The following GPR160 variants were observed in gnomAD, a reference collection of about 807,000 sequenced individuals.
GPR160 encodes the protein G protein-coupled receptor 160.
In GPR160, 2 loss-of-function variants were observed where a neutral mutation model predicts 2.6. The ratio of observed to expected loss-of-function variants is 0.77; its 90% confidence interval spans 0.32 to 2.44. The LOEUF is 2.44. GPR160 is among the 30% of genes most tolerant of loss of function. The pLI is 0.11. For missense variants in GPR160, 351 were observed against 383.6 expected (o/e 0.91, Z 0.71); for synonymous variants, 130 against 132.2 (o/e 0.98, Z 0.12).
intron 2 of GPR160, among the ~76,000 whole-genome samples, chr3:170,060,647 T>C (rs2108326223): frequency 6.6e-6 from 1 of 152,256 alleles, no homozygotes; most frequent in Admixed American, 6.5e-5. Flanking sequence ...TGCACACCTC[T>C]ATAGTCCTAG....
chr3:170,068,995 G>A (rs1712468077), intron 2 of GPR160, among the ~76,000 whole-genome samples: 1 of 152,142 alleles, frequency 6.6e-6, no homozygotes, highest in Non-Finnish European at 1.5e-5. Context: ...TTTATATCTT[G>A]TAATAATAGT....
intron 2 of GPR160, among the ~76,000 whole-genome samples, chr3:170,073,007 C>A (rs1461553862): frequency 6.6e-6 from 1 of 151,966 alleles, no homozygotes; most frequent in Non-Finnish European, 1.5e-5. Flanking sequence ...CGAAACGAGA[C>A]CCCATCTCTA....
intron 2 of GPR160, among the ~76,000 whole-genome samples, chr3:170,065,390 C>T (rs1712272971): frequency 6.6e-6 from 1 of 152,210 alleles, no homozygotes; most frequent in Admixed American, 6.5e-5. Flanking sequence ...ATGTGCCCTA[C>T]TCTAATTTAG....
intron 2 of GPR160, among the ~76,000 whole-genome samples, chr3:170,075,249 A>G (rs1712796689): frequency 6.6e-6 from 1 of 152,244 alleles, no homozygotes. Flanking sequence ...AAACAAAACC[A>G]AAAGAATATC....
intron 2 of GPR160, among the ~76,000 whole-genome samples, chr3:170,041,683 G>A (rs78295928): frequency 4.6e-5 from 7 of 152,184 alleles, no homozygotes; most frequent in Non-Finnish European, 7.3e-5. Flanking sequence ...CCCTTACAGT[G>A]GGGGGAGATA....
intron 2 of GPR160, among the ~76,000 whole-genome samples, chr3:170,048,518 A>G (rs948310145): frequency 1.3e-5 from 2 of 150,832 alleles, no homozygotes; most frequent in East Asian, 3.9e-4. Flanking sequence ...CTTTTAAAAT[A>G]TTAGAGAACT....
intron 3 of GPR160, among the ~76,000 whole-genome samples, chr3:170,082,994 T>G (rs865796563): frequency 2.2e-4 from 33 of 151,836 alleles, no homozygotes; most frequent in Middle Eastern, 3.4e-3. Context: ...TTTTGGTTTT[T>G]GTTTTTGTTT....
At chr3:170,075,154 A>G (rs566587901) in intron 2 of GPR160, among the ~76,000 whole-genome samples, 1 of 152,266 alleles carries the variant, frequency 6.6e-6, no homozygotes, top group East Asian at 1.9e-4. Flanking sequence ...CTTGAGCCCA[A>G]GAGGCGGAGG....
chr3:170,062,786 A>G (rs1322888305), intron 2 of GPR160: 3 of 727,146 alleles, frequency 4.1e-6, no homozygotes, highest in Admixed American at 2.2e-5. Flanking sequence ...CGGAGCTGCA[A>G]TTTGAAGAAA....
At chr3:170,065,552 C>T (rs185787020) in intron 2 of GPR160, among the ~76,000 whole-genome samples, 6 of 152,322 alleles carry the variant, frequency 3.9e-5, no homozygotes, top group Admixed American at 1.3e-4. Context: ...ATTCTGATGA[C>T]GTATGCCTTT....
At chr3:170,083,641 T>A (rs1713252733) in intron 3 of GPR160, 1 of 172,866 alleles carries the variant, frequency 5.8e-6, no homozygotes, top group African/African-American at 2.4e-5. Flanking sequence ...TTAAAACCTG[T>A]ACTTATATAT....
At chr3:170,066,575 A>C (rs1403537184) in intron 2 of GPR160, among the ~76,000 whole-genome samples, 1 of 152,204 alleles carries the variant, frequency 6.6e-6, no homozygotes, top group Non-Finnish European at 1.5e-5. Flanking sequence ...AGAGAGCTGC[A>C]TAGTATTGCA....
chr3:170,054,649 A>G (rs911957518), intron 2 of GPR160, among the ~76,000 whole-genome samples: 2 of 152,096 alleles, frequency 1.3e-5, no homozygotes, highest in Non-Finnish European at 2.9e-5. Flanking sequence ...GCTCCTGGCT[A>G]CTGTTTACTT....
chr3:170,046,413 A>G lies in GPR160; in HGVS notation c.-193+7370A>G, dbSNP rs545581103. Among the ~76,000 whole-genome samples, 4 of 152,326 alleles carry G rather than the reference A, an allele frequency of 2.6e-5. No individual in the cohort carries two copies. In the South Asian group the frequency reaches 8.3e-4, roughly 32 times the overall value. ...CCAACCCCTTATGAGAGAGCGGGCT[A>G]GTGTTAGCTGGGACACAGGAGTCCC... is the stretch of plus-strand genomic sequence containing the variant. On this transcript the variant is annotated intron_variant, in intron 2 of 3. Transcript: ENST00000355897.
At chr3:170,062,331 G>A in intron 2 of GPR160, 1 of 256,320 alleles carries the variant, frequency 3.9e-6, no homozygotes, top group Non-Finnish European at 7.6e-6. Flanking sequence ...GGAGCAGAGG[G>A]GTCCAGGGAG....
At position 170,038,652 on chromosome 3, in the gene GPR160, ACGCGCGCG is replaced by A. The variant is rs886583376; in HGVS notation, c.-321-254_-321-247del. On this transcript the variant is annotated intron_variant, in intron 1 of 3. Transcript: ENST00000355897. The surrounding 1 kb of genome is among the most constrained non-coding windows in gnomAD (Gnocchi z 5.3). ...CCCAGAGGTGAATAGTCTCACACAC[ACGCGCGCG>A]CGCGCGCGTGCGTGCATTCATTGGG... 3.3e-5 allele frequency: 5 copies of A among 151,108 alleles called. No individual in the cohort carries two copies. Among genetic ancestry groups the A allele is most frequent in the African/African-American group, 7.3e-5 (3 of 41,132 alleles). The allele number at this position is 151,108 out of a possible 1,614,324, so 9.4% of individuals were successfully genotyped here.
At position 170,085,205 on chromosome 3, in the gene GPR160, G is replaced by T; in HGVS notation, c.*216G>T. The T allele has an allele frequency of 2.9e-6, 1 of 342,908 alleles. No individual in the cohort carries two copies. The highest frequency in any genetic ancestry group is 5.5e-6 in the Non-Finnish European group (1 of 183,262). The allele number at this position is 342,908 out of a possible 1,614,324, so 21.2% of individuals were successfully genotyped here. Reference sequence around the variant, plus strand: ...CCAAGAAGTTTTTATAGTTATTCAGGGACACTATATTACAAATATTACTTT... The same window carrying T: ...CCAAGAAGTTTTTATAGTTATTCAGTGACACTATATTACAAATATTACTTT... On this transcript the variant is annotated 3_prime_UTR_variant, in exon 4 of 4. Coordinates refer to ENST00000355897, the MANE Select transcript of GPR160 (RefSeq NM_014373.3).
chr3:170,039,608 C>T (rs2108304125), intron 2 of GPR160, among the ~76,000 whole-genome samples: 1 of 152,268 alleles, frequency 6.6e-6, no homozygotes, highest in East Asian at 1.9e-4. Flanking sequence ...CTCGGGAAGG[C>T]TGAGGTAGGA....
At chr3:170,045,976 AC>A (rs1484915093) in intron 2 of GPR160, among the ~76,000 whole-genome samples, 2 of 152,202 alleles carry the variant, frequency 1.3e-5, no homozygotes, top group Admixed American at 6.5e-5. Flanking sequence ...ATTCAGTGGC[AC>A]GTCAAGTGCT....
Sources: gnomAD v4.1 joint callset for allele counts (sites outside exome capture counted in the v4.1 genomes callset) on GRCh38, gnomAD v4.1.1 for gene constraint, Gnocchi (gnomAD v3.1) non-coding constraint, MANE v1.5 for transcripts, NCBI Gene and HGNC (gene_info 2026-07-23, HGNC 2026-07-21) for gene names.